Variants in ADGRL2 observed in about 807,000 individuals in gnomAD.
ADGRL2 encodes adhesion G protein-coupled receptor L2.
ADGRL2 carries 44 observed loss-of-function variants against 157.4 expected under a neutral mutation model. That is an observed-to-expected ratio of 0.28 (90% CI 0.22 to 0.36). The LOEUF is 0.36. Among genes scored for constraint, ADGRL2 ranks in the 10% least tolerant of loss-of-function variants. ADGRL2 has a pLI of 1.00. For synonymous variants in ADGRL2, 585 were observed against 624.7 expected, an observed-to-expected ratio of 0.94 and a Z score of 0.95; for missense variants, 1,510 against 1,768.9, an observed-to-expected ratio of 0.85 and a Z score of 2.63.
At chr1:81,953,760 AG>A in intron 10 of ADGRL2, among the ~76,000 whole-genome samples, 1 of 152,162 alleles carries the variant, frequency 6.6e-6, no homozygotes, top group Non-Finnish European at 1.5e-5. Flanking sequence ...TCTGAATTTT[AG>A]GAGTTCCTTT....
chr1:81,374,578 G>GAAAAAACAAAAACAAA (rs150082637), intron 1 of ADGRL2, among the ~76,000 whole-genome samples: 2 of 130,256 alleles, frequency 1.5e-5, no homozygotes, highest in Non-Finnish European at 3.1e-5. Flanking sequence ...TCTCAAAAAA[G>GAAAAAACAAAAACAAA]AAAAAAAAAA....
intron 23 of ADGRL2, chr1:81,989,829 T>G: frequency 7.0e-7 from 1 of 1,419,378 alleles, no homozygotes; most frequent in Admixed American, 2.6e-5. Context: ...TGTCCATGTT[T>G]TCATTCTTTT....
intron 2 of ADGRL2, among the ~76,000 whole-genome samples, chr1:81,491,642 TA>T (rs1480464376): frequency 6.6e-6 from 1 of 151,906 alleles, no homozygotes; most frequent in Non-Finnish European, 1.5e-5. Flanking sequence ...CAACACTGAG[TA>T]AAAAGAAAGA....
intron 3 of ADGRL2, among the ~76,000 whole-genome samples, chr1:81,656,803 A>G (rs751228766): frequency 4.6e-5 from 7 of 152,086 alleles, no homozygotes; most frequent in Non-Finnish European, 8.8e-5. Context: ...TGAGCCCAGG[A>G]GTTTGAAAAC....
intron 2 of ADGRL2, among the ~76,000 whole-genome samples, chr1:81,533,157 T>C (rs1206835109): frequency 6.6e-6 from 1 of 152,064 alleles, no homozygotes; most frequent in African/African-American, 2.4e-5. Context: ...GGGGGGTGGA[T>C]CACCTGAGGT....
intron 1 of ADGRL2, among the ~76,000 whole-genome samples, chr1:81,333,181 C>T (rs1661386241): frequency 6.6e-6 from 1 of 152,116 alleles, no homozygotes; most frequent in South Asian, 2.1e-4. Context: ...AACCACTACA[C>T]AGAGGGACCC....
intron 2 of ADGRL2, among the ~76,000 whole-genome samples, chr1:81,841,157 A>C (rs1188640625): frequency 2.0e-5 from 3 of 152,178 alleles, no homozygotes; most frequent in Non-Finnish European, 4.4e-5. Flanking sequence ...TTATTAGTCA[A>C]AATTTTACTT....
At chr1:81,584,981 A>C (rs1475967792) in intron 3 of ADGRL2, among the ~76,000 whole-genome samples, 1 of 152,284 alleles carries the variant, frequency 6.6e-6, no homozygotes, top group Admixed American at 6.5e-5. Flanking sequence ...TTAACACAAC[A>C]ATCAATTAAT....
At chr1:81,571,360 A>G (rs1166411089) in intron 2 of ADGRL2, among the ~76,000 whole-genome samples, 1 of 147,572 alleles carries the variant, frequency 6.8e-6, no homozygotes, top group Admixed American at 6.8e-5. Flanking sequence ...ATATATATAT[A>G]TAATATATAT....
At chr1:81,845,294 A>G (rs969738165) in intron 2 of ADGRL2, among the ~76,000 whole-genome samples, 1 of 152,098 alleles carries the variant, frequency 6.6e-6, no homozygotes, top group Non-Finnish European at 1.5e-5. Flanking sequence ...TCTTTCAAGT[A>G]TAAGTAAAAT....
intron 2 of ADGRL2, among the ~76,000 whole-genome samples, chr1:81,550,705 C>T (rs2080125269): frequency 6.6e-6 from 1 of 151,914 alleles, no homozygotes; most frequent in Non-Finnish European, 1.5e-5. Flanking sequence ...TATCCTGTTA[C>T]AATTCCTCTG....
chr1:81,582,246 A>G (rs1392706808), intron 3 of ADGRL2, among the ~76,000 whole-genome samples: 4 of 152,002 alleles, frequency 2.6e-5, no homozygotes, highest in Non-Finnish European at 5.9e-5. Context: ...TTAGTTAAAA[A>G]TATGTTAAGG....
chr1:81,871,500 G>A (rs558974843), intron 2 of ADGRL2, among the ~76,000 whole-genome samples: 9 of 152,258 alleles, frequency 5.9e-5, no homozygotes, highest in African/African-American at 1.9e-4. Context: ...GATCCTTGAG[G>A]AATCGCCACA....
chr1:81,320,490 T>C (rs539995505), intron 1 of ADGRL2, among the ~76,000 whole-genome samples: 1 of 152,334 alleles, frequency 6.6e-6, no homozygotes, highest in South Asian at 2.1e-4. Flanking sequence ...TTAAATGTAC[T>C]TCTTAGATCA....
In ADGRL2 at chr1:81,555,564, C is replaced by T. The variant is rs143560243; in HGVS notation, c.-247-25312C>T. ...GATTACAGGCATGAACCACTGTGCC[C>T]AGCCCTGATAGTCTCTACTTCTTAT... On this transcript the variant is annotated intron_variant, in intron 2 of 24. Coordinates refer to the ADGRL2 transcript ENST00000370721. Among the ~76,000 whole-genome samples the T allele has an allele frequency of 5.8e-4, 89 of 152,164 alleles. 1 individual carries two copies. Among genetic ancestry groups the T allele is most frequent in the Middle Eastern group, 3.4e-3 (1 of 294 alleles).
intron 2 of ADGRL2, among the ~76,000 whole-genome samples, chr1:81,496,906 C>A (rs1431380603): frequency 6.6e-6 from 1 of 151,708 alleles, no homozygotes; most frequent in Non-Finnish European, 1.5e-5. Flanking sequence ...ATTTTTTTTC[C>A]TTTTCTGGGT....
chr1:81,411,850 A>G (rs1157008692), intron 1 of ADGRL2, among the ~76,000 whole-genome samples: 1 of 150,978 alleles, frequency 6.6e-6, no homozygotes, highest in South Asian at 2.1e-4. Flanking sequence ...ACTGCACTCC[A>G]GCCTGGGCAA....
chr1:81,890,735 C>T (rs958946859), intron 2 of ADGRL2, among the ~76,000 whole-genome samples: 1 of 149,780 alleles, frequency 6.7e-6, no homozygotes, highest in Non-Finnish European at 1.5e-5. Context: ...AGATACACGG[C>T]AGTCTTTGAA....
chr1:81,719,579 T>C (rs1222020630), intron 1 of ADGRL2, among the ~76,000 whole-genome samples: 1 of 152,180 alleles, frequency 6.6e-6, no homozygotes, highest in South Asian at 2.1e-4. Flanking sequence ...TAATCTTTTC[T>C]CCCAAGCCCC....
Sources: gnomAD v4.1 joint callset for allele counts (sites outside exome capture counted in the v4.1 genomes callset) on GRCh38, gnomAD v4.1.1 for gene constraint, MANE v1.5 for transcripts, NCBI Gene and HGNC (gene_info 2026-07-23, HGNC 2026-07-21) for gene names.